The following ITPR2 variants were observed in gnomAD, a reference collection of about 807,000 sequenced individuals.
ITPR2 encodes inositol 1,4,5-trisphosphate receptor type 2.
Under a neutral mutation model 317.1 loss-of-function variants are expected in ITPR2, and 207 were observed. The ratio of observed to expected loss-of-function variants is 0.65; its 90% CI spans 0.58 to 0.73. The LOEUF (loss-of-function observed/expected upper bound fraction) is 0.73, where lower values mean the gene tolerates loss of function less well. Ranked by LOEUF, ITPR2 falls within the 30% of genes least tolerant of loss-of-function variation. The pLI, the probability that ITPR2 is intolerant of heterozygous loss-of-function variation, is 0.00. For synonymous variants in ITPR2, 1,156 were observed against 1,149.1 expected (o/e 1.01, Z -0.12); for missense variants, 2,613 against 3,284.0 (o/e 0.80, Z 4.99).
At chr12:26,478,744 G>C (rs1942473675) in intron 43 of ITPR2, among the ~76,000 whole-genome samples, 1 of 151,708 alleles carries the variant, frequency 6.6e-6, no homozygotes, top group Admixed American at 6.6e-5. Context: ...CAGATTCTTT[G>C]AAAAAACAAA....
chr12:26,724,880 G>C, intron 3 of ITPR2, 138 bp from the exon 4 acceptor site: 1 of 568,252 alleles, frequency 1.8e-6, no homozygotes, highest in Non-Finnish European at 3.1e-6. Context: ...TGTAATCTTA[G>C]TTTAGGTGTT....
intron 37 of ITPR2, among the ~76,000 whole-genome samples, chr12:26,527,188 T>TA (rs1454024764): frequency 6.6e-6 from 1 of 152,232 alleles, no homozygotes; most frequent in Non-Finnish European, 1.5e-5. Flanking sequence ...ACTTAGCAGG[T>TA]AGTATAGGGT....
At chr12:26,783,651 A>C (rs1950136064) in intron 2 of ITPR2, among the ~76,000 whole-genome samples, 1 of 152,236 alleles carries the variant, frequency 6.6e-6, no homozygotes, top group Non-Finnish European at 1.5e-5. Flanking sequence ...GCCTTTATTA[A>C]AGGGAAGACG....
intron 37 of ITPR2, among the ~76,000 whole-genome samples, chr12:26,530,740 C>T (rs1245182172): frequency 3.3e-5 from 5 of 152,098 alleles, no homozygotes; most frequent in African/African-American, 1.2e-4. Flanking sequence ...TTCTCAAACA[C>T]TGTAGTATAT....
chr12:26,507,657 A>G (rs1301266071), intron 37 of ITPR2, among the ~76,000 whole-genome samples: 2 of 152,216 alleles, frequency 1.3e-5, no homozygotes, highest in Admixed American at 6.5e-5. Flanking sequence ...GCTTCTGGAA[A>G]AAACAAGATG....
rs375637241 is a variant in ITPR2, at chr12:26,657,838, G to A, written c.2061C>T (p.Asp687=). The A allele has an allele frequency of 6.2e-7, 1 of 1,614,036 alleles. No homozygotes were observed. The highest frequency in any genetic ancestry group is 1.3e-5 in the African/African-American group (1 of 74,926). The stretch of plus-strand genomic sequence containing the variant: ...AGAGCCAAACTTCTTCATCATCAAT[G>A]TCATCTGAAAGGATGGAGCTCTCCA... ...NPMESSILSD[D]IDDEEVWLYW... The change falls in exon 18 of 57, where the codon GAC becomes GAT. Residue 687 remains aspartate, a synonymous_variant. Transcript: ENST00000381340.
At chr12:26,424,364 GT>G (rs1447317114) in intron 49 of ITPR2, among the ~76,000 whole-genome samples, 3 of 152,062 alleles carry the variant, frequency 2.0e-5, no homozygotes, top group East Asian at 1.9e-4. Flanking sequence ...GTCTTCTTTT[GT>G]TTTTCTTATT....
chr12:26,727,677 G>C (rs984615120), intron 2 of ITPR2, among the ~76,000 whole-genome samples: 2 of 152,112 alleles, frequency 1.3e-5, no homozygotes, highest in Non-Finnish European at 2.9e-5. Context: ...CCCTACAGGG[G>C]GTCATGCCCT....
chr12:26,831,685 T>A lies in ITPR2; in HGVS notation c.92+1005A>T, dbSNP rs940968103. 4.9e-5 allele frequency among the ~76,000 whole-genome samples: 7 copies of A among 144,306 alleles called. 1 individual carries two copies. Among genetic ancestry groups the A allele is most frequent in the Middle Eastern group, 7.2e-3 (2 of 276 alleles). The allele number at this position is 144,306 out of a possible 152,430, so 94.7% of individuals were successfully genotyped here. On this transcript the variant is annotated intron_variant, in intron 1 of 56. Transcript: ENST00000381340. This position sits in a 1 kb window ranked among gnomAD's most constrained non-coding sequence, Gnocchi z 4.9. ...GCACACTGTTTTATATATAAATATA[T>A]ATATATATTCTACATAAAATATATA... is the stretch of plus-strand genomic sequence containing the variant.
intron 28 of ITPR2, among the ~76,000 whole-genome samples, 161 bp downstream of exon 28, chr12:26,602,208 GT>G (rs1339947200): frequency 1.1e-4 from 16 of 152,198 alleles, no homozygotes; most frequent in African/African-American, 3.9e-4. Flanking sequence ...GTGTACCCTT[GT>G]TTGTAGAAAA....
At chr12:26,522,422 G>A (rs7297408) in intron 37 of ITPR2, among the ~76,000 whole-genome samples, 25,348 of 152,118 alleles carry the variant, frequency 0.17, 2,556 homozygotes, top group Non-Finnish European at 0.23. Context: ...AATAAATCAG[G>A]ATTTCCTTGA....
chr12:26,411,338 T>C lies in ITPR2; in HGVS notation c.7381A>G (p.Ile2461Val), dbSNP rs1216569528. The C allele has an allele frequency of 1.9e-6, 3 of 1,613,436 alleles. No homozygotes were observed. In the Admixed American group the frequency reaches 5.0e-5, roughly 27 times the overall value. Residue 2461 changes from isoleucine (I) to valine (V), a missense_variant, in exon 52 of 57, where the codon ATT (isoleucine) becomes GTT (valine). By Grantham distance (29) the Ile-to-Val change is conservative. Coordinates refer to ENST00000381340, the MANE Select transcript of ITPR2 (RefSeq NM_002223.4). Reference sequence around the variant, plus strand: ...TACAAACCTGTATTTGAAGCTGGAATTGTGGGTGAACAGTTCTCCTTGGCA... The same window carrying C: ...TACAAACCTGTATTTGAAGCTGGAACTGTGGGTGAACAGTTCTCCTTGGCA... ...ACAKENCSPT[I>V]PASNTADEEY...
intron 52 of ITPR2, among the ~76,000 whole-genome samples, chr12:26,405,283 G>A (rs1364190114): frequency 2.0e-5 from 3 of 152,188 alleles, no homozygotes; most frequent in African/African-American, 7.2e-5. Context: ...GAAGAACTTA[G>A]AACAGTGCTT....
chr12:26,731,129 A>G (rs1278251424), intron 2 of ITPR2, among the ~76,000 whole-genome samples: 1 of 151,516 alleles, frequency 6.6e-6, no homozygotes, highest in Non-Finnish European at 1.5e-5. Context: ...GTGGAAAAAA[A>G]AAATTGGTTT....
chr12:26,632,537 C>A (rs1247153402), intron 21 of ITPR2, among the ~76,000 whole-genome samples: 1 of 152,150 alleles, frequency 6.6e-6, no homozygotes, highest in African/African-American at 2.4e-5. Context: ...TTTAGCTTTC[C>A]TTTCATAACA....
intron 2 of ITPR2, among the ~76,000 whole-genome samples, chr12:26,771,671 C>G (rs1255747690): frequency 1.3e-5 from 2 of 152,072 alleles, no homozygotes; most frequent in African/African-American, 4.8e-5. Context: ...CCCAACACCA[C>G]GCCTGGCTAA....
At chr12:26,703,902 T>C (rs1004735085) in intron 9 of ITPR2, among the ~76,000 whole-genome samples, 4 of 152,186 alleles carry the variant, frequency 2.6e-5, no homozygotes, top group Non-Finnish European at 4.4e-5. Context: ...TGAATAGATA[T>C]ACACAATACA....
Position 26,597,116 on chromosome 12 carries a change from C to T in ITPR2, c.4021G>A (p.Asp1341Asn). The T allele has an allele frequency of 6.2e-7, 1 of 1,613,840 alleles. No homozygotes were observed. Residue 1341 changes from aspartate to asparagine, a missense_variant, in exon 31 of 57, where the codon GAC (aspartate) becomes AAC (asparagine). Asp to Asn is a conservative substitution (Grantham distance 23, BLOSUM62 1). Coordinates refer to ENST00000381340, the MANE Select transcript of ITPR2 (RefSeq NM_002223.4). ...VMTELINGGE[D>N]VLIFYNDRAS... ...CTATCATTGTAAAATATCAGCACGT[C>T]TTCACCCCCATTTATCAACTGAAAT... is the stretch of plus-strand genomic sequence containing the variant.
At chr12:26,687,402 C>T (rs1031647511) in intron 10 of ITPR2, among the ~76,000 whole-genome samples, 1 of 152,080 alleles carries the variant, frequency 6.6e-6, no homozygotes, top group Non-Finnish European at 1.5e-5. Context: ...TTTATTAAAA[C>T]AGGTGAAATC....
Sources: allele counts gnomAD v4.1 joint callset (sites outside exome capture counted in the v4.1 genomes callset), GRCh38; gene constraint gnomAD v4.1.1; non-coding constraint Gnocchi (gnomAD v3.1); transcripts MANE v1.5; gene names NCBI Gene and HGNC (gene_info 2026-07-23, HGNC 2026-07-21).